The following STXBP5L variants were observed in gnomAD, a reference collection of about 807,000 sequenced individuals.
STXBP5L encodes the protein syntaxin-binding protein 5-like.
In STXBP5L, 65 loss-of-function variants were observed where a neutral mutation model predicts 144.5. That is an observed-to-expected ratio of 0.45 (90% confidence interval 0.37 to 0.55). The LOEUF (loss-of-function observed/expected upper bound fraction) is 0.55, where lower values mean the gene tolerates loss of function less well. STXBP5L is among the 20% of genes least tolerant of loss of function. STXBP5L has a pLI of 0.00. For missense variants in STXBP5L, 1,298 were observed against 1,405.5 expected, an observed-to-expected ratio of 0.92 and a Z score of 1.22; for synonymous variants, 505 against 469.6, an observed-to-expected ratio of 1.08 and a Z score of -0.97.
chr3:121,163,646 T>A (rs1160470641), intron 9 of STXBP5L, among the ~76,000 whole-genome samples: 1 of 152,020 alleles, frequency 6.6e-6, no homozygotes, highest in African/African-American at 2.4e-5. Flanking sequence ...AGCAAATATG[T>A]AGCAAAGATA....
rs768537117 is a variant in STXBP5L, at chr3:121,378,823, C to T, written c.2284C>T (p.Pro762Ser). Residue 762 changes from proline (P) to serine (S), a missense_variant, in exon 21 of 27, where the codon CCA becomes TCA. By Grantham distance (74) the Pro-to-Ser change is moderately conservative. Coordinates refer to ENST00000471454, the MANE Select transcript of STXBP5L (RefSeq NM_001308330.2). ...AGTAAATCGCTGGGGTCCTGGAAGA[C>T]CACCATTTCGAAAGGCCCAGTCAGC... is the stretch of plus-strand genomic sequence containing the variant. ...SKVNRWGPGR[P>S]PFRKAQSAAC... 6.2e-7 allele frequency: 1 copy of T among 1,613,722 alleles called. No individual in the cohort carries two copies. Among genetic ancestry groups the T allele is most frequent in the Non-Finnish European group, 8.5e-7 (1 of 1,179,836 alleles).
intron 19 of STXBP5L, among the ~76,000 whole-genome samples, chr3:121,303,124 T>C (rs1364287545): frequency 2.6e-5 from 4 of 152,050 alleles, no homozygotes; most frequent in Non-Finnish European, 4.4e-5. Context: ...ATTTTTGCAA[T>C]CTACTCATCT....
intron 5 of STXBP5L, among the ~76,000 whole-genome samples, chr3:121,076,094 G>A (rs1006976281): frequency 2.0e-5 from 3 of 152,178 alleles, no homozygotes; most frequent in African/African-American, 7.2e-5. Context: ...ACGAAGAGCT[G>A]TTCTGCCCCT....
intron 3 of STXBP5L, among the ~76,000 whole-genome samples, chr3:121,003,070 C>T (rs1422451007): frequency 6.6e-6 from 1 of 152,146 alleles, no homozygotes; most frequent in African/African-American, 2.4e-5. Flanking sequence ...GGTATATACC[C>T]AGTAATGGGA....
intron 9 of STXBP5L, among the ~76,000 whole-genome samples, chr3:121,204,087 A>G (rs1577201818): frequency 6.6e-6 from 1 of 152,168 alleles, no homozygotes; most frequent in East Asian, 1.9e-4. Flanking sequence ...AAAATACAAA[A>G]AATTAGCCGG....
intron 19 of STXBP5L, among the ~76,000 whole-genome samples, chr3:121,313,782 C>G (rs1268666753): frequency 1.4e-5 from 2 of 141,538 alleles, no homozygotes; most frequent in African/African-American, 2.6e-5. Context: ...CGGGCGGAGA[C>G]GCTCCTCACT....
rs2047353281 is a variant in STXBP5L, at chr3:121,421,565, T to C, written c.*2468T>C. On this transcript the variant is annotated 3_prime_UTR_variant, in exon 27 of 27. Transcript: ENST00000471454. Reference sequence around the variant, plus strand: ...GTAGATTGTGTGAATATGTAATATATGTTGTTGTATAAAACTGTACAATAA... The same window carrying C: ...GTAGATTGTGTGAATATGTAATATACGTTGTTGTATAAAACTGTACAATAA... The C allele has an allele frequency of 6.6e-6, 1 of 152,238 alleles. No homozygotes were observed. The highest frequency in any genetic ancestry group is 1.5e-5 in the Non-Finnish European group (1 of 68,038). 9.4% of individuals were successfully genotyped at this position (152,238 alleles called of 1,614,324 possible). A position where few individuals can be genotyped will look rare whatever the true frequency, so the allele number is the denominator to read the frequency against.
intron 19 of STXBP5L, among the ~76,000 whole-genome samples, chr3:121,317,305 G>A (rs1185892381): frequency 6.6e-6 from 1 of 152,168 alleles, no homozygotes; most frequent in African/African-American, 2.4e-5. Flanking sequence ...TAAAAAATCT[G>A]AGTTCTGTGT....
intron 19 of STXBP5L, among the ~76,000 whole-genome samples, chr3:121,312,614 C>G (rs1327610064): frequency 6.6e-6 from 1 of 151,012 alleles, no homozygotes; most frequent in Non-Finnish European, 1.5e-5. Context: ...CGGCCTTCCG[C>G]AGTGTTTGTG....
At chr3:121,002,267 CATT>C (rs34977942) in intron 3 of STXBP5L, among the ~76,000 whole-genome samples, 18,229 of 152,100 alleles carry the variant, frequency 0.12, 1,132 homozygotes, top group Non-Finnish European at 0.14. Context: ...GATAATATCT[CATT>C]GTTGTTTTCA....
Position 121,233,114 on chromosome 3 carries a change from T to A in STXBP5L, c.1112-502T>A, listed in dbSNP as rs77403133. Among the ~76,000 whole-genome samples, 432 of 152,282 alleles carry A rather than the reference T, an allele frequency of 2.8e-3. 1 individual carries two copies. Among genetic ancestry groups the A allele is most frequent in the Non-Finnish European group, 4.2e-3 (289 of 68,008 alleles). On this transcript the variant is annotated intron_variant, in intron 11 of 26. Coordinates refer to ENST00000471454, the MANE Select transcript of STXBP5L (RefSeq NM_001308330.2). ...GTTGAACCAGATTGATATGATATGG[T>A]TACACAACCTATAAATATATTTCAA...
chr3:121,038,600 C>G (rs1946924135), intron 3 of STXBP5L, among the ~76,000 whole-genome samples: 2 of 151,752 alleles, frequency 1.3e-5, no homozygotes. Flanking sequence ...TTTATAAATG[C>G]CAATTGGGAC....
intron 7 of STXBP5L, among the ~76,000 whole-genome samples, chr3:121,141,810 A>C (rs1354416581): frequency 1.3e-5 from 2 of 152,090 alleles, no homozygotes; most frequent in Admixed American, 1.3e-4. Flanking sequence ...TCAATAAAAA[A>C]CATAAAGGAA....
At chr3:121,254,141 T>C (rs1003551951) in intron 15 of STXBP5L, among the ~76,000 whole-genome samples, 1 of 152,184 alleles carries the variant, frequency 6.6e-6, no homozygotes, top group African/African-American at 2.4e-5. Flanking sequence ...TGTTTCTCAT[T>C]ATTAGATTCA....
intron 3 of STXBP5L, among the ~76,000 whole-genome samples, chr3:121,031,363 T>G (rs1946356320): frequency 6.6e-6 from 1 of 150,682 alleles, no homozygotes; most frequent in South Asian, 2.1e-4. Context: ...TATATGTATA[T>G]ATCTATGTAT....
intron 3 of STXBP5L, among the ~76,000 whole-genome samples, chr3:120,992,375 G>C (rs1045399136): frequency 3.9e-5 from 6 of 152,000 alleles, no homozygotes; most frequent in African/African-American, 1.4e-4. Flanking sequence ...ACCCTACTCT[G>C]CTATTGAACA....
At chr3:121,011,328 C>T (rs1944757952) in intron 3 of STXBP5L, among the ~76,000 whole-genome samples, 1 of 151,466 alleles carries the variant, frequency 6.6e-6, no homozygotes, top group South Asian at 2.1e-4. Context: ...ACATCCATTT[C>T]TCAGTATGGT....
At chr3:121,272,573 C>A (rs2050763383) in intron 18 of STXBP5L, among the ~76,000 whole-genome samples, 1 of 152,102 alleles carries the variant, frequency 6.6e-6, no homozygotes, top group South Asian at 2.1e-4. Flanking sequence ...TCCATTCAGC[C>A]ACTCTTCCTT....
chr3:121,280,396 C>T (rs1216643770), intron 19 of STXBP5L, among the ~76,000 whole-genome samples: 1 of 151,634 alleles, frequency 6.6e-6, no homozygotes, highest in Non-Finnish European at 1.5e-5. Context: ...AAATTAATTC[C>T]ATATTGTAGC....
Sources: allele counts gnomAD v4.1 joint callset (sites outside exome capture counted in the v4.1 genomes callset), GRCh38; gene constraint gnomAD v4.1.1; transcripts MANE v1.5; gene names NCBI Gene and HGNC (gene_info 2026-07-23, HGNC 2026-07-21).